The following KCNN3 variants were observed in gnomAD, a reference collection of about 807,000 sequenced individuals.
The protein encoded by KCNN3 is potassium calcium-activated channel subfamily N member 3.
Under a neutral mutation model 62.9 loss-of-function variants are expected in KCNN3, and 16 were observed. The observed-to-expected ratio is 0.25, with a 90% confidence interval of 0.17 to 0.39. The LOEUF (loss-of-function observed/expected upper bound fraction) is 0.39. Ranked by LOEUF, KCNN3 falls within the 10% of genes least tolerant of loss-of-function variation. KCNN3 has a pLI of 1.00. For missense variants in KCNN3, 599 were observed against 949.4 expected (o/e 0.63, Z 4.85); for synonymous variants, 370 against 389.2 (o/e 0.95, Z 0.58).
intron 3 of KCNN3, among the ~76,000 whole-genome samples, chr1:154,762,245 A>G (rs1332785462): frequency 6.6e-6 from 1 of 152,216 alleles, no homozygotes; most frequent in Non-Finnish European, 1.5e-5. Context: ...TTCCAGAAAG[A>G]TGGTCTAATT....
rs186652576 is a variant in KCNN3, at chr1:154,718,302, G to A, written c.1702-3299C>T. On this transcript the variant is annotated intron_variant, in intron 5 of 7. Transcript: ENST00000271915. ...CAAAAAATTGCTTTCACTCTGATTG[G>A]GGCCAGACAATGGGCTCTATGATCT... 4.4e-3 allele frequency among the ~76,000 whole-genome samples: 665 copies of A among 152,254 alleles called. 1 individual carries two copies. The highest frequency in any genetic ancestry group is 7.0e-3 in the Non-Finnish European group (473 of 68,010).
intron 6 of KCNN3, among the ~76,000 whole-genome samples, chr1:154,714,087 T>G: frequency 8.9e-6 from 1 of 112,298 alleles, no homozygotes; most frequent in African/African-American, 3.5e-5. Context: ...GTGGTGTTTG[T>G]GTGTGGTGTG....
chr1:154,719,362 T>C (rs189842072), intron 5 of KCNN3, among the ~76,000 whole-genome samples: 121 of 152,264 alleles, frequency 7.9e-4, no homozygotes, highest in African/African-American at 2.7e-3. Context: ...CAGAGTGTAC[T>C]TAAACAAACC....
intron 3 of KCNN3, among the ~76,000 whole-genome samples, chr1:154,756,852 T>G (rs902163567): frequency 6.6e-6 from 1 of 152,210 alleles, no homozygotes; most frequent in Non-Finnish European, 1.5e-5. Context: ...GAAAAAATCA[T>G]GTGTGTTTTA....
intron 2 of KCNN3, among the ~76,000 whole-genome samples, chr1:154,796,637 C>T (rs926162073): frequency 2.6e-5 from 4 of 152,228 alleles, no homozygotes; most frequent in African/African-American, 9.6e-5. Flanking sequence ...CATGATTCAA[C>T]CGATTCAACC....
intron 3 of KCNN3, among the ~76,000 whole-genome samples, chr1:154,741,304 A>G (rs1700817732): frequency 6.6e-6 from 1 of 152,156 alleles, no homozygotes; most frequent in Non-Finnish European, 1.5e-5. Flanking sequence ...CCATTGGTCT[A>G]TTTGTCTAAC....
At chr1:154,784,772 C>A (rs1454375493) in intron 2 of KCNN3, among the ~76,000 whole-genome samples, 1 of 152,236 alleles carries the variant, frequency 6.6e-6, no homozygotes, top group East Asian at 1.9e-4. Flanking sequence ...GTGCTGTGTG[C>A]CTTACAGGCA....
chr1:154,847,633 C>T (rs1413296053), intron 1 of KCNN3, among the ~76,000 whole-genome samples: 1 of 152,190 alleles, frequency 6.6e-6, no homozygotes, highest in African/African-American at 2.4e-5. Context: ...TCCCCAGCCC[C>T]TCAAAGCCAA....
intron 3 of KCNN3, among the ~76,000 whole-genome samples, chr1:154,751,135 G>C (rs1260492244): frequency 6.6e-6 from 1 of 152,206 alleles, no homozygotes; most frequent in Non-Finnish European, 1.5e-5. Context: ...TCCCAGGAGA[G>C]AGACCCTTGG....
chr1:154,806,341 G>C (rs1327099937), intron 2 of KCNN3, among the ~76,000 whole-genome samples: 1 of 152,240 alleles, frequency 6.6e-6, no homozygotes, highest in Non-Finnish European at 1.5e-5. Context: ...TTAGCAAGGA[G>C]AGTCCAAAAT....
At chr1:154,721,037 A>G (rs11264250) in intron 5 of KCNN3, among the ~76,000 whole-genome samples, 62,627 of 152,046 alleles carry the variant, frequency 0.41, 13,825 homozygotes, top group Middle Eastern at 0.57. Flanking sequence ...GGAGAAGGAA[A>G]TAGTTTAGGG....
At chr1:154,752,468 G>A (rs1647424777) in intron 3 of KCNN3, among the ~76,000 whole-genome samples, 1 of 152,180 alleles carries the variant, frequency 6.6e-6, no homozygotes, top group Non-Finnish European at 1.5e-5. Context: ...GAGAATGGGA[G>A]TGCTCCAGGT....
intron 2 of KCNN3, among the ~76,000 whole-genome samples, chr1:154,821,179 T>C (rs1650876891): frequency 6.6e-6 from 1 of 152,120 alleles, no homozygotes; most frequent in African/African-American, 2.4e-5. Flanking sequence ...GGCCGAGACT[T>C]GACCCCAGTT....
chr1:154,709,692 A>C (rs1241723727), intron 7 of KCNN3, among the ~76,000 whole-genome samples: 3 of 152,220 alleles, frequency 2.0e-5, no homozygotes, highest in African/African-American at 7.2e-5. Context: ...CTGTTGCCAG[A>C]GCAGGACACC....
At chr1:154,805,145 C>T (rs1036620885) in intron 2 of KCNN3, among the ~76,000 whole-genome samples, 5 of 151,946 alleles carry the variant, frequency 3.3e-5, no homozygotes, top group African/African-American at 4.8e-5. Context: ...TCGAGTGAGG[C>T]GGTGAAGAGG....
chr1:154,854,159 C>T (rs12739136), intron 1 of KCNN3, among the ~76,000 whole-genome samples: 9 of 150,650 alleles, frequency 6.0e-5, no homozygotes, highest in Admixed American at 2.6e-4. Flanking sequence ...AGCGTGAACC[C>T]GGGAGGCGGA....
intron 5 of KCNN3, among the ~76,000 whole-genome samples, chr1:154,723,127 G>A (rs183984353): frequency 2.6e-5 from 4 of 152,326 alleles, no homozygotes; most frequent in Admixed American, 6.5e-5. Flanking sequence ...GGGAAGAGAG[G>A]TGGGGTTCTC....
chr1:154,855,535 A>C (rs1012173450), intron 1 of KCNN3, among the ~76,000 whole-genome samples: 2 of 152,160 alleles, frequency 1.3e-5, no homozygotes, highest in African/African-American at 4.8e-5. Context: ...TTGTGTTATG[A>C]TTGCCTACAG....
chr1:154,812,608 G>A (rs1460517148), intron 2 of KCNN3, among the ~76,000 whole-genome samples: 1 of 152,236 alleles, frequency 6.6e-6, no homozygotes, highest in African/African-American at 2.4e-5. Flanking sequence ...AGAAGTGGGA[G>A]TGCGCGTTCA....
Sources: gnomAD v4.1 joint callset for allele counts (sites outside exome capture counted in the v4.1 genomes callset) on GRCh38, gnomAD v4.1.1 for gene constraint, MANE v1.5 for transcripts, NCBI Gene and HGNC (gene_info 2026-07-23, HGNC 2026-07-21) for gene names.